The following OBSL1 variants were observed in gnomAD, a reference collection of about 807,000 sequenced individuals.
The protein encoded by OBSL1 is obscurin-like protein 1.
OBSL1 carries 160 observed loss-of-function variants against 172.0 expected under a neutral mutation model. The observed-to-expected ratio is 0.93, with a 90% CI of 0.82 to 1.06. The LOEUF (loss-of-function observed/expected upper bound fraction) is 1.06, where lower values mean the gene tolerates loss of function less well. Ranked by LOEUF, OBSL1 falls within the 50% of genes least tolerant of loss-of-function variation. OBSL1 has a pLI of 0.00. For missense variants in OBSL1, 2,681 were observed against 2,715.4 expected (o/e 0.99, Z 0.28); for synonymous variants, 1,200 against 1,196.3 (o/e 1.00, Z -0.06).
chr2:219,565,360 C>G lies in OBSL1; in HGVS notation c.2289G>C (p.Val763=). Residue 763 remains valine, a synonymous_variant, in exon 6 of 21, where the codon GTG becomes GTC. Transcript: ENST00000404537. ...GGTGTTTGCGCCCATCCATCTTCAC[C>G]ACCAGCAACTCGCTCTCCTCCACCT... ...GQKVEESELL[V]VKMDGRKHRL... 6.2e-7 allele frequency: 1 copy of G among 1,614,042 alleles called. No individual in the cohort carries two copies. The highest frequency in any genetic ancestry group is 8.5e-7 in the Non-Finnish European group (1 of 1,179,894).
At chr2:219,548,563 A>G (rs1339436731), downstream of OBSL1, among the ~76,000 whole-genome samples, 1 of 152,196 alleles carries the variant, frequency 6.6e-6, no homozygotes, top group East Asian at 1.9e-4. Context: ...GAGAAGAGGG[A>G]ACAGCAAGGG....
chr2:219,560,084 C>T (rs1696351231), intron 8 of OBSL1, among the ~76,000 whole-genome samples: 1 of 152,168 alleles, frequency 6.6e-6, no homozygotes, highest in South Asian at 2.1e-4. Context: ...TATGACACTT[C>T]CTAAGGTCCA....
At chr2:219,550,982 T>A (rs1222498140) in intron 20 of OBSL1, 140 bp from the exon 21 acceptor site, 1 of 1,514,980 alleles carries the variant, frequency 6.6e-7, no homozygotes, top group Non-Finnish European at 8.8e-7. Flanking sequence ...TGGTTAGGGC[T>A]GTCTTGGCGG....
rs750185925 is a variant in OBSL1, at chr2:219,571,113, C to G, written c.120G>C (p.Pro40=). 90 of 1,467,812 alleles carry G rather than the reference C, an allele frequency of 6.1e-5. No individual in the cohort carries two copies. In the South Asian group the frequency reaches 9.1e-4, roughly 15 times the overall value. 90.9% of individuals were successfully genotyped at this position (1,467,812 alleles called of 1,614,324 possible). A position where few individuals can be genotyped will look rare whatever the true frequency, so the allele number is the denominator to read the frequency against. The stretch of plus-strand genomic sequence containing the variant: ...CGCCCTTCTCCCACACCACTACAGG[C>G]GGCGGCTCCCCCAGGACCACGCACT... ...ELKCVVLGEP[P]PVVVWEKGGQ... Residue 40 remains proline, a synonymous_variant, in exon 1 of 21, where the codon CCG becomes CCC. Transcript: ENST00000404537.
In OBSL1 at chr2:219,568,311, C is replaced by T. The variant is rs1192842345; in HGVS notation, c.1026G>A (p.Arg342=). The T allele has an allele frequency of 1.2e-6, 2 of 1,604,498 alleles. No homozygotes were observed. Among genetic ancestry groups the T allele is most frequent in the Non-Finnish European group, 1.7e-6 (2 of 1,175,656 alleles). The change falls in exon 2 of 21, where the codon CGG becomes CGA. Residue 342 remains arginine, a synonymous_variant. Transcript: ENST00000404537. This position sits in a 1 kb window ranked among gnomAD's most constrained non-coding sequence, Gnocchi z 4.1. The part of the protein sequence containing the change: ...VQLHVKEPRL[R]FTRPLQDVEG... ...CCACGTCCTGCAGGGGCCGTGTGAA[C>T]CGGAGGCGGGGCTCTGTGGAGAGGG...
At chr2:219,557,690 A>T in intron 11 of OBSL1, 72 bp from the exon 12 acceptor site, 1 of 1,509,094 alleles carries the variant, frequency 6.6e-7, no homozygotes, top group Non-Finnish European at 8.8e-7. Flanking sequence ...GGGAGGCATG[A>T]CGGGGAAGGT....
At position 219,571,275 on chromosome 2, in the gene OBSL1, G is replaced by T; in HGVS notation, c.-43C>A. ...TGCAGCGGCGAACGGTGGGGGGGCA[G>T]GGGGGGGTGCGGAGGGCGAGCCGAG... On this transcript the variant is annotated 5_prime_UTR_variant, in exon 1 of 21. In the 5' UTR this introduces an upstream ATG that the reference lacks. Coordinates refer to ENST00000404537, the MANE Select transcript of OBSL1 (RefSeq NM_015311.3). 1.0e-5 allele frequency: 8 copies of T among 788,964 alleles called. No individual in the cohort carries two copies. The highest frequency in any genetic ancestry group is 9.9e-5 in the East Asian group (2 of 20,238). The allele number at this position is 788,964 out of a possible 1,614,324, so 48.9% of individuals were successfully genotyped here. A position where few individuals can be genotyped will look rare whatever the true frequency, so the allele number is the denominator to read the frequency against.
intron 19 of OBSL1, 44 bp from the exon 20 acceptor site, chr2:219,551,842 G>A: frequency 5.4e-6 from 7 of 1,284,720 alleles, no homozygotes; most frequent in Non-Finnish European, 7.7e-6. Context: ...GGACACGCAT[G>A]GCCCCCAGGA....
At position 219,552,294 on chromosome 2, in the gene OBSL1, C is replaced by G. The variant is rs1333272398; in HGVS notation, c.5309-78G>C. ...GGGACGAAGGTGGGGGCCCAGCAGGCCCCTGGGTCGGTTCGGACGCCGTTA... is the reference window on the plus strand; with the variant it reads ...GGGACGAAGGTGGGGGCCCAGCAGGGCCCTGGGTCGGTTCGGACGCCGTTA... On this transcript the variant is annotated intron_variant, in intron 18 of 20. Transcript: ENST00000404537. 3.7e-6 allele frequency: 5 copies of G among 1,368,044 alleles called. No individual in the cohort carries two copies. In the African/African-American group the frequency reaches 5.8e-5, roughly 16 times the overall value. The allele number at this position is 1,368,044 out of a possible 1,614,324, so 84.7% of individuals were successfully genotyped here.
At position 219,557,556 on chromosome 2, in the gene OBSL1, C is replaced by G; in HGVS notation, c.3853G>C (p.Gly1285Arg). 1 of 1,552,088 alleles carries G rather than the reference C, an allele frequency of 6.4e-7. No homozygotes were observed. ...AGGTGCACCACCAGCTCTAGGTCCC[C>G]GCCTGGGGTGCTCCGAACCCTCGTC... ...AQTRVRSTPGGDLELVVHLSG... is the reference protein window; with the variant it reads ...AQTRVRSTPGRDLELVVHLSG... Residue 1285 changes from glycine (G) to arginine (R), a missense_variant, in exon 12 of 21, where the codon GGG (glycine) becomes CGG (arginine). By Grantham distance (125) the Gly-to-Arg change is moderately radical. Around this residue, in one of 5 missense-constraint regions of OBSL1, gnomAD observed 1,765 missense variants for 1,748.3 expected, o/e 1.01. Coordinates refer to ENST00000404537, the MANE Select transcript of OBSL1 (RefSeq NM_015311.3).
In OBSL1 at chr2:219,556,260, C is replaced by G. The variant is rs1695994147; in HGVS notation, c.4369G>C (p.Asp1457His). The G allele has an allele frequency of 6.3e-7, 1 of 1,591,244 alleles. No individual in the cohort carries two copies. Among genetic ancestry groups the G allele is most frequent in the Admixed American group, 1.7e-5 (1 of 59,124 alleles). The change falls in exon 14 of 21, where the codon GAT (aspartate) becomes CAT (histidine). Residue 1457 changes from aspartate (D) to histidine (H), a missense_variant. Asp to His is a moderately conservative substitution (Grantham distance 81, BLOSUM62 -1). This residue lies in a region of OBSL1 where 1,765 missense variants were observed against 1,748.3 expected (regional missense o/e 1.01). Coordinates refer to ENST00000404537, the MANE Select transcript of OBSL1 (RefSeq NM_015311.3). ...TELLFLRRLQ[D>H]VRAEEGQDVC... Reference sequence around the variant, plus strand: ...TCCTGGCCTTCCTCTGCCCGCACATCCTGCAACCGCCGTAGGAACAGCAGC... The same window carrying G: ...TCCTGGCCTTCCTCTGCCCGCACATGCTGCAACCGCCGTAGGAACAGCAGC...
chr2:219,570,992 C>A lies in OBSL1; in HGVS notation c.241G>T (p.Val81Phe), dbSNP rs775129122. The change falls in exon 1 of 21, where the codon GTC (valine) becomes TTC (phenylalanine). Residue 81 changes from valine to phenylalanine, a missense_variant. This residue lies in a region of OBSL1 where 67 missense variants were observed against 109.3 expected (regional missense o/e 0.61). Transcript: ENST00000404537. ...GCGTTGCGGGCGCGGCACACGTAGA[C>A]CCCCGCGTCGGTGGGCAGTGCGGCG... ...LTAALPTDAGVYVCRARNAAG... is the reference protein window; with the variant it reads ...LTAALPTDAGFYVCRARNAAG... The A allele has an allele frequency of 1.0e-4, 143 of 1,396,638 alleles. 1 individual carries two copies. The South Asian group carries it at 1.2e-3, about 11-fold the overall frequency. 86.5% of individuals were successfully genotyped at this position (1,396,638 alleles called of 1,614,324 possible).
intron 7 of OBSL1, 27 bp downstream of exon 7, chr2:219,563,328 G>A: frequency 6.5e-7 from 1 of 1,534,310 alleles, no homozygotes; most frequent in Non-Finnish European, 8.8e-7. Context: ...CTTCCCCTGT[G>A]CCTCCGAGGC....
At chr2:219,566,005 T>A (rs886088919) in intron 5 of OBSL1, among the ~76,000 whole-genome samples, 4 of 152,176 alleles carry the variant, frequency 2.6e-5, no homozygotes, top group African/African-American at 9.7e-5. Flanking sequence ...GATGCCTCAT[T>A]CCCCTCCTTC....
intron 18 of OBSL1, 68 bp from the exon 19 acceptor site, chr2:219,552,284 G>A (rs1015788582): frequency 9.4e-5 from 132 of 1,406,116 alleles, no homozygotes; most frequent in Non-Finnish European, 1.3e-4. Context: ...GAAGGTGGGG[G>A]CCCAGCAGGC....
At position 219,551,536 on chromosome 2, in the gene OBSL1, C is replaced by T. The variant is rs3795991; in HGVS notation, c.5676G>A (p.Leu1892=). The T allele has an allele frequency of 9.1e-4, 1,443 of 1,589,990 alleles. 24 individuals are homozygous for T. The East Asian group carries it at 0.028, about 31-fold the overall frequency. Reference sequence around the variant, plus strand: ...CCAGTTGGCTTTACTCACCCTCTACCAGCAGCCGTGTGTGGGTGCTGTCCT... The same window carrying T: ...CCAGTTGGCTTTACTCACCCTCTACTAGCAGCCGTGTGTGGGTGCTGTCCT... The part of the protein sequence containing the change: ...AGQDSTHTRL[L]VEGN The change falls in exon 20 of 21, where the codon CTG becomes CTA. Residue 1892 remains leucine, a synonymous_variant. Coordinates refer to ENST00000404537, the MANE Select transcript of OBSL1 (RefSeq NM_015311.3).
At position 219,556,111 on chromosome 2, in the gene OBSL1, G is replaced by A; in HGVS notation, c.4518C>T (p.Arg1506=). The stretch of plus-strand genomic sequence containing the variant: ...CCAGTATGACACCATGGATGAAGAG[G>A]CGGTGGATGTGCCCATCCTGGGCCA... ...LSMAQDGHIH[R]LFIHGVILAD... The change falls in exon 14 of 21, where the codon CGC becomes CGT. Residue 1506 remains arginine (R), a synonymous_variant. Coordinates refer to ENST00000404537, the MANE Select transcript of OBSL1 (RefSeq NM_015311.3). 3 of 1,613,958 alleles carry A rather than the reference G, an allele frequency of 1.9e-6. No individual in the cohort carries two copies. The highest frequency in any genetic ancestry group is 2.5e-6 in the Non-Finnish European group (3 of 1,179,906).
At chr2:219,554,859 C>T in intron 14 of OBSL1, 119 bp from the exon 15 acceptor site, 1 of 1,224,138 alleles carries the variant, frequency 8.2e-7, no homozygotes, top group African/African-American at 1.5e-5. Flanking sequence ...AGGTCCTGAC[C>T]AAAAAAGTTC....
At position 219,562,627 on chromosome 2, in the gene OBSL1, C is replaced by T. The variant is rs754460164; in HGVS notation, c.2728G>A (p.Ala910Thr). ...AGCACCACACGCTCCAGGCGCACGG[C>T]TGCCACATACACCTTGCCGCTGGGA... ...VYPSGKVYVA[A>T]VRLERVVLTC... Residue 910 changes from alanine (A) to threonine (T), a missense_variant, in exon 8 of 21, where the codon GCC becomes ACC. By Grantham distance (58) the Ala-to-Thr change is moderately conservative. Transcript: ENST00000404537. The T allele has an allele frequency of 3.2e-6, 5 of 1,585,420 alleles. No individual in the cohort carries two copies. In the Admixed American group the frequency reaches 9.1e-5, roughly 29 times the overall value.
Sources: allele counts gnomAD v4.1 joint callset (sites outside exome capture counted in the v4.1 genomes callset), GRCh38; gene constraint gnomAD v4.1.1; regional missense constraint gnomAD v4.1.1; non-coding constraint Gnocchi (gnomAD v3.1); transcripts MANE v1.5; gene names NCBI Gene and HGNC (gene_info 2026-07-23, HGNC 2026-07-21).